CLDN10: variants seen among roughly 807,000 people sequenced by gnomAD.
CLDN10 encodes claudin-10.
In CLDN10, 15 loss-of-function variants were observed where a neutral mutation model predicts 22.9. That is an observed-to-expected ratio of 0.65 (90% CI 0.44 to 1.01). CLDN10 has a LOEUF of 1.01. Among genes scored for constraint, CLDN10 ranks in the 50% least tolerant of loss-of-function variants. The pLI, the probability that CLDN10 is intolerant of heterozygous loss-of-function variation, is 0.00. For missense variants in CLDN10, 247 were observed against 287.8 expected (o/e 0.86, Z 1.03); for synonymous variants, 114 against 111.4 (o/e 1.02, Z -0.15).
At chr13:95,498,242 G>C (rs777751581) in intron 1 of CLDN10, among the ~76,000 whole-genome samples, 2 of 152,068 alleles carry the variant, frequency 1.3e-5, no homozygotes, top group Non-Finnish European at 2.9e-5. Flanking sequence ...AATCCTCCAG[G>C]GATCCACAAC....
intron 1 of CLDN10, among the ~76,000 whole-genome samples, chr13:95,487,098 A>G (rs1022039686): frequency 6.6e-6 from 1 of 152,132 alleles, no homozygotes; most frequent in Non-Finnish European, 1.5e-5. Context: ...CTCTGCATCT[A>G]TCTCCTGATT....
chr13:95,553,640 G>A (rs2043596801), intron 1 of CLDN10, among the ~76,000 whole-genome samples: 1 of 152,274 alleles, frequency 6.6e-6, no homozygotes, highest in Non-Finnish European at 1.5e-5. Flanking sequence ...GCCGCGATGA[G>A]TCCGCAGAGG....
chr13:95,485,975 G>A (rs1418357815), intron 1 of CLDN10, among the ~76,000 whole-genome samples: 1 of 152,176 alleles, frequency 6.6e-6, no homozygotes, highest in African/African-American at 2.4e-5. Context: ...AGGACAAGAT[G>A]TCCTCCAATG....
At chr13:95,519,336 C>G (rs1165698483) in intron 1 of CLDN10, among the ~76,000 whole-genome samples, 1 of 152,192 alleles carries the variant, frequency 6.6e-6, no homozygotes, top group Admixed American at 6.5e-5. Context: ...GGGCCTTTCT[C>G]TCATGTCTGG....
rs2043601318 is a variant in CLDN10, at chr13:95,553,863, G to C, written c.220+890G>C. On this transcript the variant is annotated intron_variant, in intron 1 of 4. Transcript: ENST00000299339. ...CAAGACAACAGCCGATGTCAGCCCG[G>C]TCCCATTGATTGCTCAAGTTCTAGG... Among the ~76,000 whole-genome samples, 3 of 152,210 alleles carry C rather than the reference G, an allele frequency of 2.0e-5. No homozygotes were observed. In the South Asian group the frequency reaches 6.2e-4, roughly 32 times the overall value.
At chr13:95,463,578 C>T (rs944778748) in intron 1 of CLDN10, among the ~76,000 whole-genome samples, 3 of 151,626 alleles carry the variant, frequency 2.0e-5, no homozygotes, top group Admixed American at 6.6e-5. Flanking sequence ...AGCAATACTC[C>T]CACTTCAGGC....
chr13:95,541,192 A>T lies in CLDN10; in HGVS notation c.215-18940A>T, dbSNP rs1329980746. ...AAGGAAATCAGGCCTTGTGCAGAAA[A>T]TAAACGGAACTCGTCTGCCTTTCCT... On this transcript the variant is annotated intron_variant, in intron 1 of 4. Coordinates refer to the CLDN10 transcript ENST00000376873. 2.0e-5 allele frequency among the ~76,000 whole-genome samples: 3 copies of T among 152,246 alleles called. No homozygotes were observed. In the East Asian group the frequency reaches 5.8e-4, roughly 29 times the overall value.
chr13:95,573,371 C>A (rs1484824841), intron 3 of CLDN10, among the ~76,000 whole-genome samples: 1 of 152,214 alleles, frequency 6.6e-6, no homozygotes, highest in African/African-American at 2.4e-5. Context: ...TGTAGATTTG[C>A]AACCTTTCAG....
At chr13:95,519,650 C>T (rs1274834957) in intron 1 of CLDN10, among the ~76,000 whole-genome samples, 2 of 152,252 alleles carry the variant, frequency 1.3e-5, no homozygotes, top group African/African-American at 2.4e-5. Flanking sequence ...TAACTCAGTC[C>T]TTGTTCAAGC....
upstream of CLDN10, among the ~76,000 whole-genome samples, chr13:95,548,176 A>G (rs1359326537): frequency 6.6e-6 from 1 of 152,200 alleles, no homozygotes; most frequent in African/African-American, 2.4e-5. Context: ...TGGACAAACA[A>G]AATGTACCCA....
intron 1 of CLDN10, among the ~76,000 whole-genome samples, chr13:95,438,644 C>T (rs1276044893): frequency 6.6e-6 from 1 of 152,152 alleles, no homozygotes; most frequent in African/African-American, 2.4e-5. Flanking sequence ...CCAGATGCTT[C>T]ACCTCTCTCC....
intron 1 of CLDN10, among the ~76,000 whole-genome samples, chr13:95,487,722 T>G (rs2042819305): frequency 6.6e-6 from 1 of 152,182 alleles, no homozygotes; most frequent in Non-Finnish European, 1.5e-5. Context: ...TTGCCCAGGG[T>G]GGAGTGCAGT....
chr13:95,563,095 A>ACTCTCTCCCTCTCT (rs1555300133), intron 3 of CLDN10, among the ~76,000 whole-genome samples: 15 of 128,066 alleles, frequency 1.2e-4, no homozygotes, highest in Admixed American at 8.5e-4. Flanking sequence ...CTGCCTACCC[A>ACTCTCTCCCTCTCT]CTCTCTCTCT....
chr13:95,443,477 TC>T (rs747609265), intron 1 of CLDN10, among the ~76,000 whole-genome samples: 2 of 152,138 alleles, frequency 1.3e-5, no homozygotes, highest in South Asian at 4.1e-4. Flanking sequence ...TACTCGTCGA[TC>T]CCGAGAAGCG....
intron 1 of CLDN10, among the ~76,000 whole-genome samples, chr13:95,525,480 A>T (rs1224258734): frequency 6.6e-6 from 1 of 151,732 alleles, no homozygotes; most frequent in African/African-American, 2.4e-5. Flanking sequence ...GTAACAAATA[A>T]ATCTTCATTG....
intron 1 of CLDN10, among the ~76,000 whole-genome samples, chr13:95,455,128 G>A (rs1474948628): frequency 2.0e-5 from 3 of 151,336 alleles, no homozygotes; most frequent in Non-Finnish European, 4.4e-5. Flanking sequence ...AGTGAGCCAT[G>A]ATCGCACCAC....
chr13:95,444,261 G>T (rs2042350666), intron 1 of CLDN10, among the ~76,000 whole-genome samples: 1 of 152,296 alleles, frequency 6.6e-6, no homozygotes, highest in African/African-American at 2.4e-5. Context: ...GCATGTTTAG[G>T]TAATGTACAT....
At chr13:95,502,836 G>A (rs558029706) in intron 1 of CLDN10, among the ~76,000 whole-genome samples, 2 of 152,304 alleles carry the variant, frequency 1.3e-5, no homozygotes, top group South Asian at 4.1e-4. Context: ...CATGTTTTAA[G>A]TGAGGGGGAT....
intron 1 of CLDN10, among the ~76,000 whole-genome samples, chr13:95,454,610 G>A (rs1038288777): frequency 2.0e-5 from 3 of 152,168 alleles, no homozygotes; most frequent in African/African-American, 7.2e-5. Flanking sequence ...CTCCAGCCTT[G>A]TCACAGAAGA....
Sources: allele counts gnomAD v4.1 joint callset (sites outside exome capture counted in the v4.1 genomes callset), GRCh38; gene constraint gnomAD v4.1.1; transcripts MANE v1.5; gene names NCBI Gene and HGNC (gene_info 2026-07-23, HGNC 2026-07-21).